Variants in HAUS6 observed in about 807,000 individuals in gnomAD.
HAUS6 encodes HAUS augmin-like complex subunit 6.
HAUS6 carries 80 observed loss-of-function variants against 106.8 expected under a neutral mutation model. The ratio of observed to expected loss-of-function variants is 0.75; its 90% CI spans 0.63 to 0.90. The LOEUF is 0.90. Ranked by LOEUF, HAUS6 falls within the 40% of genes least tolerant of loss-of-function variation. HAUS6 has a pLI of 0.00. For missense variants in HAUS6, 1,155 were observed against 1,118.1 expected (o/e 1.03, Z -0.47); for synonymous variants, 356 against 379.1 (o/e 0.94, Z 0.71).
intron 1 of HAUS6, among the ~76,000 whole-genome samples, chr9:19,101,141 A>G (rs1250674673): frequency 6.6e-6 from 1 of 152,242 alleles, no homozygotes; most frequent in African/African-American, 2.4e-5. Context: ...TGGCTATCCC[A>G]TTTATCCTGA....
At chr9:19,080,452 G>A in intron 9 of HAUS6, 27 bp downstream of exon 9, 6 of 1,494,006 alleles carry the variant, frequency 4.0e-6, no homozygotes, top group Non-Finnish European at 5.6e-6. Context: ...TCCTCCCACA[G>A]TAAAATAACA....
At position 19,056,279 on chromosome 9, in the gene HAUS6, A is replaced by C. The variant is rs139954288; in HGVS notation, c.*64T>G. 456 of 833,566 alleles carry C rather than the reference A, an allele frequency of 5.5e-4. 1 individual carries two copies. The East Asian group carries it at 0.01, about 19-fold the overall frequency. The allele number at this position is 833,566 out of a possible 1,614,324, so 51.6% of individuals were successfully genotyped here. A position where few individuals can be genotyped will look rare whatever the true frequency, so the allele number is the denominator to read the frequency against. On this transcript the variant is annotated 3_prime_UTR_variant, in exon 17 of 17. Transcript: ENST00000380502. The stretch of plus-strand genomic sequence containing the variant: ...CCAACATGTATTTAAGTTGTAATTC[A>C]TTTTCTATCCTGTGGCATAGCTTCA...
rs920469950 is a variant in HAUS6, at chr9:19,102,809, G to A, written c.-158C>T. 1 of 659,370 alleles carries A rather than the reference G, an allele frequency of 1.5e-6. No homozygotes were observed. The highest frequency in any genetic ancestry group is 2.5e-6 in the Non-Finnish European group (1 of 400,496). 40.8% of individuals were successfully genotyped at this position (659,370 alleles called of 1,614,324 possible). A position where few individuals can be genotyped will look rare whatever the true frequency, so the allele number is the denominator to read the frequency against. ...CGCCCAGAGCGATTTCGCCTCAAAG[G>A]GCCTCACAACCTCCGGGAAATTGAG... On this transcript the variant is annotated 5_prime_UTR_variant, in exon 1 of 17. Transcript: ENST00000380502.
At chr9:19,098,346 G>A (rs955677296) in intron 1 of HAUS6, among the ~76,000 whole-genome samples, 11 of 150,866 alleles carry the variant, frequency 7.3e-5, no homozygotes, top group African/African-American at 1.7e-4. Flanking sequence ...GCTGAGGCAG[G>A]AGAATCGCTT....
chr9:19,102,483 C>G lies in HAUS6; in HGVS notation c.128+41G>C, dbSNP rs1329925401. The G allele has an allele frequency of 1.9e-6, 3 of 1,600,354 alleles. No homozygotes were observed. The African/African-American group carries it at 4.0e-5, about 21-fold the overall frequency. ...AAAGGGGGAGTCCCCCGGCGTCCCC[C>G]GGTTCAGGCTCCCTCGCCCCGCCGG... On this transcript the variant is annotated intron_variant, in intron 1 of 16. Coordinates refer to ENST00000380502, the MANE Select transcript of HAUS6 (RefSeq NM_017645.5).
chr9:19,096,432 G>C (rs191836953), intron 2 of HAUS6, among the ~76,000 whole-genome samples: 1 of 152,060 alleles, frequency 6.6e-6, no homozygotes, highest in Admixed American at 6.5e-5. Context: ...AGGCGTCGTG[G>C]CAGTCACCTA....
intron 11 of HAUS6, among the ~76,000 whole-genome samples, chr9:19,075,604 T>C (rs1023517891): frequency 5.9e-5 from 9 of 152,054 alleles, no homozygotes; most frequent in Admixed American, 5.9e-4. Context: ...AGGACTCATA[T>C]TATATGACTT....
intron 7 of HAUS6, 136 bp downstream of exon 7, chr9:19,086,597 GC>G (rs373666253): frequency 1.5e-4 from 75 of 486,600 alleles, no homozygotes; most frequent in African/African-American, 1.4e-3. Context: ...TCCAGCCTGG[GC>G]AACAGAGCGA....
chr9:19,080,870 C>T (rs371242669), intron 8 of HAUS6, among the ~76,000 whole-genome samples, 198 bp from the exon 9 acceptor site: 1 of 152,048 alleles, frequency 6.6e-6, no homozygotes, highest in Admixed American at 6.6e-5. Context: ...GTCGGGAGTT[C>T]GAGACCAGCC....
At chr9:19,070,427 TAG>T (rs1218433151) in intron 11 of HAUS6, 127 bp from the exon 12 acceptor site, 1 of 620,964 alleles carries the variant, frequency 1.6e-6, no homozygotes, top group East Asian at 2.8e-5. Context: ...TGAACACTAA[TAG>T]GAAAACATAA....
chr9:19,102,249 G>A (rs966356935), intron 1 of HAUS6, among the ~76,000 whole-genome samples: 2 of 152,052 alleles, frequency 1.3e-5, no homozygotes, highest in African/African-American at 2.4e-5. Flanking sequence ...CCACCACATA[G>A]GCAGAGTTAA....
intron 8 of HAUS6, among the ~76,000 whole-genome samples, chr9:19,081,025 T>G (rs1025438052): frequency 2.0e-5 from 3 of 151,968 alleles, no homozygotes; most frequent in Admixed American, 1.3e-4. Flanking sequence ...TGAGCCGAGA[T>G]TGTGCCATTG....
intron 12 of HAUS6, among the ~76,000 whole-genome samples, chr9:19,066,227 T>C (rs1222864202): frequency 6.6e-6 from 1 of 152,070 alleles, no homozygotes; most frequent in East Asian, 1.9e-4. Flanking sequence ...TGAGCCACCA[T>C]GCCCAGCTAG....
intron 8 of HAUS6, among the ~76,000 whole-genome samples, chr9:19,082,568 G>A (rs1564015977): frequency 6.6e-6 from 1 of 152,100 alleles, no homozygotes; most frequent in South Asian, 2.1e-4. Flanking sequence ...GACCAACATG[G>A]AGAAACCCCG....
intron 8 of HAUS6, among the ~76,000 whole-genome samples, chr9:19,081,146 T>G (rs1837138636): frequency 1.3e-5 from 2 of 152,136 alleles, no homozygotes. Context: ...GTAAATAATT[T>G]TGGCCCAGTG....
At chr9:19,078,805 A>T (rs968767141) in intron 9 of HAUS6, among the ~76,000 whole-genome samples, 4 of 149,752 alleles carry the variant, frequency 2.7e-5, no homozygotes, top group Admixed American at 6.7e-5. Flanking sequence ...CTCAAAAATA[A>T]AAAATAAATA....
At chr9:19,072,926 C>G (rs9406758) in intron 11 of HAUS6, among the ~76,000 whole-genome samples, 49,181 of 151,538 alleles carry the variant, frequency 0.32, 9,247 homozygotes, top group African/African-American at 0.53. Flanking sequence ...ATGAACTAAC[C>G]CTCCCTGGAT....
chr9:19,058,237 G>C lies in HAUS6; in HGVS notation c.2530C>G (p.Leu844Val), dbSNP rs750186906. ...TAAGATTCTTCCCTTTTCTTGGAAA[G>C]AGATTTCTTCAGAGCCTCGTATCTA... ...RSRYEALKKS[L>V]SKKREESYLS... The change falls in exon 16 of 17, where the codon CTT (leucine) becomes GTT (valine). Residue 844 changes from leucine (L) to valine (V), a missense_variant. Coordinates refer to ENST00000380502, the MANE Select transcript of HAUS6 (RefSeq NM_017645.5). 4.3e-6 allele frequency: 7 copies of C among 1,613,914 alleles called. No individual in the cohort carries two copies. The highest frequency in any genetic ancestry group is 1.7e-4 in the Middle Eastern group (1 of 6,054).
rs1052993144 is a variant in HAUS6 at position 19,054,550 on chromosome 9, AT to A, written c.*1792del. 3.3e-5 allele frequency: 5 copies of A among 152,326 alleles called. 1 individual carries two copies. The highest frequency in any genetic ancestry group is 1.3e-4 in the Admixed American group (2 of 15,290). 9.4% of individuals were successfully genotyped at this position (152,326 alleles called of 1,614,324 possible). ...ATCACAGGTATAACTCAACAATGTG[AT>A]TTTTACAAATCCAAAATGTCTACAG... On this transcript the variant is annotated 3_prime_UTR_variant, in exon 17 of 17. Transcript: ENST00000380502.
Sources: allele counts gnomAD v4.1 joint callset (sites outside exome capture counted in the v4.1 genomes callset), GRCh38; gene constraint gnomAD v4.1.1; transcripts MANE v1.5; gene names NCBI Gene and HGNC (gene_info 2026-07-23, HGNC 2026-07-21).